Variants in SHISA9 observed in about 807,000 individuals in gnomAD.
SHISA9 encodes shisa family member 9.
In SHISA9, 13 loss-of-function variants were observed where a neutral mutation model predicts 38.0. That is an observed-to-expected ratio of 0.34 (90% CI 0.22 to 0.54). The LOEUF is 0.54. SHISA9 is among the 20% of genes least tolerant of loss of function. The probability of loss-of-function intolerance (pLI) is 0.91; values close to 1 mark genes in which losing one functional copy is unlikely to be tolerated. For missense variants in SHISA9, 538 were observed against 575.8 expected (o/e 0.93, Z 0.67); for synonymous variants, 275 against 242.0 (o/e 1.14, Z -1.27).
the SHISA9 span, among the ~76,000 whole-genome samples, chr16:13,380,890 C>G: frequency 1.6e-5 from 2 of 127,550 alleles, no homozygotes; most frequent in African/African-American, 5.9e-5. Flanking sequence ...TCTCATTGTT[C>G]AACTCCCGCA....
chr16:13,431,623 T>C, the SHISA9 span, among the ~76,000 whole-genome samples: 1 of 152,200 alleles, frequency 6.6e-6, no homozygotes, highest in African/African-American at 2.4e-5. Context: ...TTACACGATT[T>C]TTCTCATTGA....
chr16:13,498,342 G>C, the SHISA9 span, among the ~76,000 whole-genome samples: 2 of 152,162 alleles, frequency 1.3e-5, no homozygotes, highest in African/African-American at 4.8e-5. Context: ...CAGTGACATG[G>C]TCAACTACAT....
chr16:13,177,332 A>G (rs780531192), intron 2 of SHISA9, among the ~76,000 whole-genome samples: 2 of 152,146 alleles, frequency 1.3e-5, no homozygotes, highest in African/African-American at 2.4e-5. Flanking sequence ...TGGAAGCTCA[A>G]AATCTTAGAA....
At chr16:13,040,840 ATTGT>A (rs2073124479) in intron 2 of SHISA9, among the ~76,000 whole-genome samples, 1 of 152,256 alleles carries the variant, frequency 6.6e-6, no homozygotes, top group East Asian at 1.9e-4. Context: ...CTAAGAAAAC[ATTGT>A]TTGTTTTAAG....
intron 2 of SHISA9, among the ~76,000 whole-genome samples, chr16:13,123,526 G>A (rs1475786592): frequency 6.6e-6 from 1 of 152,236 alleles, no homozygotes; most frequent in Non-Finnish European, 1.5e-5. Flanking sequence ...AGTAACACAG[G>A]AAGAAGTGCT....
chr16:13,191,537 G>C (rs972198339), intron 2 of SHISA9, among the ~76,000 whole-genome samples: 3 of 152,150 alleles, frequency 2.0e-5, no homozygotes, highest in Non-Finnish European at 4.4e-5. Flanking sequence ...ACCTCACAGT[G>C]ACCCCATGAG....
intron 2 of SHISA9, among the ~76,000 whole-genome samples, chr16:12,947,335 C>A (rs915271226): frequency 6.6e-6 from 1 of 152,180 alleles, no homozygotes; most frequent in Non-Finnish European, 1.5e-5. Flanking sequence ...TGAAGAAATC[C>A]ACTTAAGGCT....
intron 1 of SHISA9, chr16:12,909,236 C>T: frequency 1.0e-6 from 1 of 985,198 alleles, no homozygotes; most frequent in Non-Finnish European, 1.2e-6. Flanking sequence ...GTATAATTTA[C>T]ACAATAAAAT....
At chr16:12,952,605 G>C (rs1323603601) in intron 2 of SHISA9, among the ~76,000 whole-genome samples, 1 of 152,168 alleles carries the variant, frequency 6.6e-6, no homozygotes, top group South Asian at 2.1e-4. Context: ...ATTGGATCAT[G>C]GGGGTGGTTT....
At chr16:13,440,062 T>C in the SHISA9 span, among the ~76,000 whole-genome samples, 26 of 152,180 alleles carry the variant, frequency 1.7e-4, no homozygotes. Context: ...TACTCGTTGG[T>C]AAGTTTATCT....
At chr16:13,232,453 A>C (rs1300974809) in intron 4 of SHISA9, among the ~76,000 whole-genome samples, 4 of 152,190 alleles carry the variant, frequency 2.6e-5, no homozygotes, top group Non-Finnish European at 5.9e-5. Flanking sequence ...AATTAAAAGA[A>C]AAGAAAAGAA....
At chr16:12,932,108 C>T (rs751108154) in intron 2 of SHISA9, among the ~76,000 whole-genome samples, 2 of 152,164 alleles carry the variant, frequency 1.3e-5, no homozygotes, top group Non-Finnish European at 2.9e-5. Flanking sequence ...CCTCCTTCGC[C>T]TTCTGCCATG....
intron 2 of SHISA9, among the ~76,000 whole-genome samples, chr16:13,030,344 C>G (rs2072975966): frequency 6.6e-6 from 1 of 152,162 alleles, no homozygotes; most frequent in African/African-American, 2.4e-5. Flanking sequence ...CAGCCCCCAG[C>G]CAATGGTAGC....
At chr16:13,166,079 G>C (rs927724103) in intron 2 of SHISA9, among the ~76,000 whole-genome samples, 3 of 152,090 alleles carry the variant, frequency 2.0e-5, no homozygotes, top group Non-Finnish European at 2.9e-5. Flanking sequence ...GATTAGTCTT[G>C]GCATTTGATA....
chr16:12,959,669 C>T (rs990413188), intron 2 of SHISA9, among the ~76,000 whole-genome samples: 91 of 152,278 alleles, frequency 6.0e-4, no homozygotes, highest in African/African-American at 2.1e-3. Context: ...CATTCAGCTC[C>T]ATTGTGTAGA....
At chr16:12,987,858 T>A (rs1422535802) in intron 2 of SHISA9, among the ~76,000 whole-genome samples, 1 of 152,206 alleles carries the variant, frequency 6.6e-6, no homozygotes, top group African/African-American at 2.4e-5. Flanking sequence ...CAGCTGTCCT[T>A]GTAGAGGCGG....
intron 2 of SHISA9, among the ~76,000 whole-genome samples, chr16:12,946,395 G>A (rs969856760): frequency 1.8e-4 from 27 of 152,206 alleles, no homozygotes; most frequent in Non-Finnish European, 1.6e-4. Flanking sequence ...ATACCAGCAT[G>A]GAGCTAGATT....
At chr16:13,264,562 A>G in the SHISA9 span, among the ~76,000 whole-genome samples, 1 of 152,102 alleles carries the variant, frequency 6.6e-6, no homozygotes, top group Non-Finnish European at 1.5e-5. Flanking sequence ...ACAGTTAAAC[A>G]TTTTGCGCTT....
chr16:13,459,986 C>G, the SHISA9 span, among the ~76,000 whole-genome samples: 1 of 152,172 alleles, frequency 6.6e-6, no homozygotes, highest in African/African-American at 2.4e-5. Flanking sequence ...CTGCTCACTA[C>G]AAACTCTGCC....
Sources: gnomAD v4.1 joint callset for allele counts (sites outside exome capture counted in the v4.1 genomes callset) on GRCh38, gnomAD v4.1.1 for gene constraint, MANE v1.5 for transcripts, NCBI Gene and HGNC (gene_info 2026-07-23, HGNC 2026-07-21) for gene names.